Variants in DLGAP2 observed in about 807,000 individuals in gnomAD.
The protein encoded by DLGAP2 is DLG associated protein 2.
A neutral mutation model predicts 100.3 loss-of-function variants in DLGAP2; 26 were observed. That is an observed-to-expected ratio of 0.26 (90% CI 0.19 to 0.36). The LOEUF (loss-of-function observed/expected upper bound fraction) is 0.36. Ranked by LOEUF, DLGAP2 falls within the 10% of genes least tolerant of loss-of-function variation. DLGAP2 has a pLI of 1.00. For missense variants in DLGAP2, 1,858 were observed against 1,453.2 expected (o/e 1.28, Z -4.53); for synonymous variants, 886 against 630.1 (o/e 1.41, Z -6.08).
intron 3 of DLGAP2, among the ~76,000 whole-genome samples, chr8:1,343,714 G>GA (rs1405884180): frequency 6.6e-6 from 1 of 151,930 alleles, no homozygotes; most frequent in Non-Finnish European, 1.5e-5. Flanking sequence ...GGGTCGTGGG[G>GA]GGTGTTAGAG....
chr8:1,091,342 C>G (rs1804174989), intron 2 of DLGAP2, among the ~76,000 whole-genome samples: 2 of 152,370 alleles, frequency 1.3e-5, no homozygotes, highest in African/African-American at 4.8e-5. Context: ...GAAGCGTCTG[C>G]TGAGCATTGG....
chr8:1,199,655 T>C (rs1003000633), intron 2 of DLGAP2, among the ~76,000 whole-genome samples: 3 of 152,154 alleles, frequency 2.0e-5, no homozygotes, highest in African/African-American at 7.2e-5. Flanking sequence ...GCTGTCCTTT[T>C]AGTGAAAAAT....
At chr8:1,353,494 G>T (rs1018200347) in intron 3 of DLGAP2, among the ~76,000 whole-genome samples, 9 of 152,286 alleles carry the variant, frequency 5.9e-5, no homozygotes, top group South Asian at 4.1e-4. Context: ...GCTCATCTAA[G>T]TGTTCTGAGC....
intron 3 of DLGAP2, among the ~76,000 whole-genome samples, chr8:1,383,875 C>A (rs960590302): frequency 1.3e-5 from 2 of 152,144 alleles, no homozygotes; most frequent in Non-Finnish European, 2.9e-5. Context: ...GGTGAGAGAG[C>A]GGCAGATGTC....
At chr8:809,798 C>T (rs139580740) in intron 1 of DLGAP2, among the ~76,000 whole-genome samples, 167 of 152,256 alleles carry the variant, frequency 1.1e-3, no homozygotes, top group Non-Finnish European at 1.3e-3. Flanking sequence ...TCCCGGTGTC[C>T]TAAGGTGATG....
chr8:756,463 G>A (rs1056549148), intron 1 of DLGAP2, among the ~76,000 whole-genome samples: 1 of 152,184 alleles, frequency 6.6e-6, no homozygotes, highest in African/African-American at 2.4e-5. Context: ...AAGATTTTAA[G>A]ACACAATAAA....
chr8:1,563,727 C>T (rs185839159), intron 5 of DLGAP2, among the ~76,000 whole-genome samples: 1 of 152,040 alleles, frequency 6.6e-6, no homozygotes, highest in African/African-American at 2.4e-5. Flanking sequence ...TGGAAGATGT[C>T]AGATCTGCCG....
At chr8:1,630,034 G>A (rs1346749544) in intron 7 of DLGAP2, among the ~76,000 whole-genome samples, 1 of 152,128 alleles carries the variant, frequency 6.6e-6, no homozygotes, top group Non-Finnish European at 1.5e-5. Flanking sequence ...AGACAAGTTG[G>A]GTGCTTGGGG....
At chr8:1,685,174 C>A (rs1799082380) in intron 12 of DLGAP2, among the ~76,000 whole-genome samples, 1 of 151,248 alleles carries the variant, frequency 6.6e-6, no homozygotes. Flanking sequence ...CGGCAGTTGG[C>A]ACTCACACAG....
At chr8:1,102,415 C>T (rs1441111696) in intron 2 of DLGAP2, among the ~76,000 whole-genome samples, 2 of 150,300 alleles carry the variant, frequency 1.3e-5, no homozygotes, top group Non-Finnish European at 1.5e-5. Context: ...ACAGCTGTCT[C>T]GAGTCACTCA....
At chr8:1,249,067 A>T (rs4560815) in intron 2 of DLGAP2, among the ~76,000 whole-genome samples, 3 of 151,988 alleles carry the variant, frequency 2.0e-5, no homozygotes, top group African/African-American at 4.8e-5. Flanking sequence ...GCTGGGACAG[A>T]GGCTGAGAAC....
intron 7 of DLGAP2, among the ~76,000 whole-genome samples, chr8:1,630,529 C>T (rs367924537): frequency 1.6e-4 from 25 of 151,916 alleles, no homozygotes; most frequent in African/African-American, 5.8e-4. Flanking sequence ...GGTGAAACCT[C>T]GTCTCTACTA....
At chr8:1,480,075 T>G (rs1314374187) in intron 3 of DLGAP2, among the ~76,000 whole-genome samples, 1 of 152,192 alleles carries the variant, frequency 6.6e-6, no homozygotes, top group African/African-American at 2.4e-5. Context: ...TGCCAAGGGT[T>G]GGCAGTGAGT....
chr8:1,490,479 T>C (rs991953581), intron 3 of DLGAP2, among the ~76,000 whole-genome samples: 3 of 152,202 alleles, frequency 2.0e-5, no homozygotes, highest in African/African-American at 7.2e-5. Context: ...CCAGAAAGCA[T>C]GTTGTGTGAC....
At chr8:774,248 GC>G (rs1225941244) in intron 1 of DLGAP2, among the ~76,000 whole-genome samples, 2 of 152,204 alleles carry the variant, frequency 1.3e-5, no homozygotes, top group East Asian at 3.9e-4. Context: ...CTGGATATTA[GC>G]CCTTTGTCAG....
At chr8:1,690,255 C>G (rs1799223957) in intron 12 of DLGAP2, among the ~76,000 whole-genome samples, 1 of 151,576 alleles carries the variant, frequency 6.6e-6, no homozygotes, top group Non-Finnish European at 1.5e-5. Context: ...ACTCGGGAGG[C>G]TGAGGCAGGA....
intron 3 of DLGAP2, among the ~76,000 whole-genome samples, chr8:1,473,113 T>C (rs917460172): frequency 3.3e-5 from 5 of 152,210 alleles, no homozygotes; most frequent in Non-Finnish European, 7.3e-5. Flanking sequence ...GTATTTTTAG[T>C]AGAGACAGCA....
chr8:1,278,858 A>T (rs189112361), intron 3 of DLGAP2, among the ~76,000 whole-genome samples: 2 of 152,230 alleles, frequency 1.3e-5, no homozygotes, highest in Non-Finnish European at 2.9e-5. Context: ...GAGGAAGACT[A>T]TGTGTACGAC....
chr8:1,451,440 A>C (rs1252363349), intron 3 of DLGAP2, among the ~76,000 whole-genome samples: 1 of 152,130 alleles, frequency 6.6e-6, no homozygotes, highest in African/African-American at 2.4e-5. Flanking sequence ...CCATCAGCCC[A>C]GCACGCTCTG....
Sources: gnomAD v4.1 joint callset for allele counts (sites outside exome capture counted in the v4.1 genomes callset) on GRCh38, gnomAD v4.1.1 for gene constraint, MANE v1.5 for transcripts, NCBI Gene and HGNC (gene_info 2026-07-23, HGNC 2026-07-21) for gene names.